PMM1: variants seen among roughly 807,000 people sequenced by gnomAD.
The protein encoded by PMM1 is phosphomannomutase 1.
A neutral mutation model predicts 34.0 loss-of-function variants in PMM1; 25 were observed. The ratio of observed to expected loss-of-function variants is 0.73; its 90% CI spans 0.54 to 1.03. The LOEUF is 1.03. Among genes scored for constraint, PMM1 ranks in the 50% least tolerant of loss-of-function variants. PMM1 has a pLI of 0.00. For synonymous variants in PMM1, 134 were observed against 143.9 expected (o/e 0.93, Z 0.49); for missense variants, 321 against 350.1 (o/e 0.92, Z 0.66).
chr22:41,585,777 G>A (rs986920621), intron 2 of PMM1, among the ~76,000 whole-genome samples: 2 of 152,166 alleles, frequency 1.3e-5, no homozygotes, highest in African/African-American at 2.4e-5. Flanking sequence ...ACAGGCGTAA[G>A]CCACTGTGCC....
At chr22:41,581,444 G>A (rs1400513220) in intron 5 of PMM1, among the ~76,000 whole-genome samples, 1 of 152,182 alleles carries the variant, frequency 6.6e-6, no homozygotes, top group Non-Finnish European at 1.5e-5. Flanking sequence ...AGGGCCAATG[G>A]CAAAATCAAA....
chr22:41,589,086 G>A (rs773665848), intron 1 of PMM1: 22 of 1,303,676 alleles, frequency 1.7e-5, no homozygotes, highest in South Asian at 2.5e-5. Context: ...CAGCAAACAG[G>A]CTAGGCCTGG....
intron 5 of PMM1, among the ~76,000 whole-genome samples, chr22:41,582,151 A>C (rs1276756480): frequency 6.6e-6 from 1 of 151,956 alleles, no homozygotes; most frequent in Non-Finnish European, 1.5e-5. Flanking sequence ...CTCCAAAAAA[A>C]AAAAAACAAA....
At chr22:41,577,579 G>T in intron 7 of PMM1, 139 bp from the exon 8 acceptor site, 1 of 1,031,270 alleles carries the variant, frequency 9.7e-7, no homozygotes, top group Non-Finnish European at 1.4e-6. Flanking sequence ...GACCTGCCCT[G>T]ACTTGCTGTG....
At position 41,578,065 on chromosome 22, in the gene PMM1, T is replaced by A; in HGVS notation, c.551-142A>T. On this transcript the variant is annotated intron_variant, in intron 6 of 7. Coordinates refer to ENST00000216259, the MANE Select transcript of PMM1 (RefSeq NM_002676.3). Reference sequence around the variant, plus strand: ...AATAGGACACGGGACAGACTTAGGATCCTCAAGGAAGTTATGACACAGGTT... The same window carrying A: ...AATAGGACACGGGACAGACTTAGGAACCTCAAGGAAGTTATGACACAGGTT... 4 of 631,004 alleles carry A rather than the reference T, an allele frequency of 6.3e-6. No homozygotes were observed. In the South Asian group the frequency reaches 7.4e-5, roughly 12 times the overall value. The allele number at this position is 631,004 out of a possible 1,614,324, so 39.1% of individuals were successfully genotyped here. A position where few individuals can be genotyped will look rare whatever the true frequency, so the allele number is the denominator to read the frequency against.
intron 1 of PMM1, chr22:41,589,151 C>G: frequency 3.1e-6 from 4 of 1,302,440 alleles, no homozygotes; most frequent in Non-Finnish European, 4.1e-6. Context: ...AAGAAGCCCT[C>G]TCTGCTCCAC....
At chr22:41,577,523 T>C in intron 7 of PMM1, 83 bp from the exon 8 acceptor site, 4 of 1,460,784 alleles carry the variant, frequency 2.7e-6, no homozygotes, top group Non-Finnish European at 2.8e-6. Context: ...CCCCTCCTCC[T>C]GCCCCTTCAG....
intron 1 of PMM1, chr22:41,588,777 G>A (rs1265773567): frequency 4.4e-5 from 43 of 985,354 alleles, no homozygotes; most frequent in Non-Finnish European, 4.8e-5. Context: ...CCTAAGAGAG[G>A]AGGCTAAGAC....
At chr22:41,586,587 C>A (rs2067310089) in intron 1 of PMM1, among the ~76,000 whole-genome samples, 1 of 152,052 alleles carries the variant, frequency 6.6e-6, no homozygotes, top group Admixed American at 6.5e-5. Flanking sequence ...CAGCTCACTG[C>A]AACCTCTGCC....
In PMM1 at chr22:41,577,939, G is replaced by T; in HGVS notation, c.551-16C>A. The T allele has an allele frequency of 1.3e-6, 2 of 1,583,778 alleles. No individual in the cohort carries two copies. Among genetic ancestry groups the T allele is most frequent in the Admixed American group, 1.7e-5 (1 of 59,942 alleles). ...ATCATGCCTCCTGTGGGCAGGGGTG[G>T]GGACTGTTATTCCCTGCTGGGAGGG... On this transcript the variant is annotated splice_polypyrimidine_tract_variant and intron_variant, in intron 6 of 7. Transcript: ENST00000216259.
chr22:41,581,938 T>C (rs1050605904), intron 5 of PMM1, among the ~76,000 whole-genome samples: 4 of 151,898 alleles, frequency 2.6e-5, no homozygotes, highest in African/African-American at 4.8e-5. Context: ...TGAGCCGAGA[T>C]TGTGCCACTG....
intron 6 of PMM1, 37 bp from the exon 7 acceptor site, chr22:41,577,960 G>A (rs746145745): frequency 6.7e-7 from 1 of 1,485,364 alleles, no homozygotes; most frequent in South Asian, 1.1e-5. Context: ...TCCCTGCTGG[G>A]AGGGGCAGAC....
chr22:41,587,162 G>C (rs1274568044), intron 1 of PMM1, among the ~76,000 whole-genome samples: 1 of 149,876 alleles, frequency 6.7e-6, no homozygotes, highest in Non-Finnish European at 1.5e-5. Context: ...CCAGCTACTC[G>C]GGAGGGCTGA....
At chr22:41,583,900 G>A in intron 5 of PMM1, 59 bp downstream of exon 5, 1 of 1,033,684 alleles carries the variant, frequency 9.7e-7, no homozygotes, top group Non-Finnish European at 1.5e-6. Context: ...GAAAATAAAG[G>A]CTCAGATAAA....
chr22:41,589,179 A>T (rs2147023474), intron 1 of PMM1: 2 of 1,237,854 alleles, frequency 1.6e-6, no homozygotes, highest in Middle Eastern at 5.0e-4. Context: ...GGTGGAAGGT[A>T]AAGTGGGTGA....
chr22:41,582,738 G>GAGAAGTGT (rs2067260635), intron 5 of PMM1, among the ~76,000 whole-genome samples: 1 of 152,172 alleles, frequency 6.6e-6, no homozygotes, highest in East Asian at 1.9e-4. Flanking sequence ...GGACGAGCTG[G>GAGAAGTGT]GCCTGAGAGA....
Position 41,577,838 on chromosome 22 carries a change from G to A in PMM1, c.636C>T (p.Thr212=), listed in dbSNP as rs1422873030. Residue 212 remains threonine, a synonymous_variant, in exon 7 of 8, where the codon ACC becomes ACT. Coordinates refer to ENST00000216259, the MANE Select transcript of PMM1 (RefSeq NM_002676.3). Reference sequence around the variant, plus strand: ...TAGTCTCGTTCCCAAAGAAGTGGATGGTGTCGAAGCTGTCCTGGTCCAGGC... The same window carrying A: ...TAGTCTCGTTCCCAAAGAAGTGGATAGTGTCGAAGCTGTCCTGGTCCAGGC... ...LDSLDQDSFD[T]IHFFGNETSP... 23 of 1,613,244 alleles carry A rather than the reference G, an allele frequency of 1.4e-5. No homozygotes were observed. The highest frequency in any genetic ancestry group is 1.9e-5 in the Non-Finnish European group (23 of 1,179,784).
chr22:41,585,641 G>A (rs1000918129), intron 2 of PMM1, among the ~76,000 whole-genome samples: 20 of 152,136 alleles, frequency 1.3e-4, no homozygotes, highest in African/African-American at 4.8e-4. Context: ...ACAGGCACGT[G>A]CCAACACACC....
intron 1 of PMM1, among the ~76,000 whole-genome samples, chr22:41,586,962 T>TAAA (rs566062876): frequency 6.7e-5 from 6 of 89,412 alleles, no homozygotes; most frequent in Non-Finnish European, 9.2e-5. Flanking sequence ...TACTAAAAAT[T>TAAA]AAAAAAAAAA....
Sources: gnomAD v4.1 joint callset for allele counts (sites outside exome capture counted in the v4.1 genomes callset) on GRCh38, gnomAD v4.1.1 for gene constraint, MANE v1.5 for transcripts, NCBI Gene and HGNC (gene_info 2026-07-23, HGNC 2026-07-21) for gene names.